Variants in ARSG observed in about 807,000 individuals in gnomAD.
ARSG encodes the protein arylsulfatase G.
Under a neutral mutation model 50.5 loss-of-function variants are expected in ARSG, and 37 were observed. The observed-to-expected ratio is 0.73, with a 90% CI of 0.56 to 0.96. ARSG has a LOEUF of 0.96. Ranked by LOEUF, ARSG falls within the 50% of genes least tolerant of loss-of-function variation. ARSG has a pLI of 0.00. For synonymous variants in ARSG, 225 were observed against 254.6 expected (o/e 0.88, Z 1.11); for missense variants, 629 against 675.3 (o/e 0.93, Z 0.76).
the ARSG span, among the ~76,000 whole-genome samples, chr17:68,441,528 G>A: frequency 6.6e-6 from 1 of 152,158 alleles, no homozygotes; most frequent in African/African-American, 2.4e-5. Context: ...CAGATAAGGC[G>A]ACTCCTGGCC....
intron 1 of ARSG, among the ~76,000 whole-genome samples, chr17:68,284,870 T>C (rs2075805979): frequency 6.6e-6 from 1 of 152,230 alleles, no homozygotes; most frequent in South Asian, 2.1e-4. Flanking sequence ...TGTGTGTTGA[T>C]ATGTCATAAA....
At chr17:68,429,996 G>T in the ARSG span, 2 of 1,614,102 alleles carry the variant, frequency 1.2e-6, no homozygotes, top group African/African-American at 1.3e-5. Flanking sequence ...TTGTACGTAC[G>T]TTGAGAGGGT....
intron 1 of ARSG, among the ~76,000 whole-genome samples, chr17:68,263,144 C>T (rs2362726): frequency 0.17 from 26,478 of 152,140 alleles, 3,003 homozygotes; most frequent in Middle Eastern, 0.29. Flanking sequence ...AATGGATAGT[C>T]ATTGAAGTAG....
chr17:68,426,199 A>C, downstream of ARSG: 2 of 1,510,532 alleles, frequency 1.3e-6, no homozygotes, highest in Non-Finnish European at 1.8e-6. Flanking sequence ...AAGAGACATG[A>C]AACAAGCACT....
downstream of ARSG, chr17:68,427,074 G>A (rs2083245579): frequency 4.3e-6 from 6 of 1,397,124 alleles, no homozygotes; most frequent in Non-Finnish European, 6.1e-6. Context: ...GGAGCGTGCA[G>A]GGAGAAGGGG....
intron 2 of ARSG, among the ~76,000 whole-genome samples, chr17:68,326,720 G>T (rs1475498178): frequency 6.6e-6 from 1 of 152,216 alleles, no homozygotes; most frequent in Non-Finnish European, 1.5e-5. Context: ...TTGTCTGGCT[G>T]GAGGGGAGAG....
At chr17:68,310,549 G>A (rs1341982827) in intron 2 of ARSG, among the ~76,000 whole-genome samples, 4 of 152,074 alleles carry the variant, frequency 2.6e-5, no homozygotes, top group African/African-American at 9.7e-5. Context: ...AAGCGTTAGA[G>A]CTTTCAGACT....
chr17:68,317,806 G>C (rs782706703), intron 2 of ARSG, among the ~76,000 whole-genome samples: 10 of 152,152 alleles, frequency 6.6e-5, no homozygotes, highest in Non-Finnish European at 1.3e-4. Flanking sequence ...ACTTAAAAAT[G>C]TTAAGCAATT....
At chr17:68,324,328 G>A (rs1297257658) in intron 2 of ARSG, among the ~76,000 whole-genome samples, 1 of 152,070 alleles carries the variant, frequency 6.6e-6, no homozygotes, top group African/African-American at 2.4e-5. Context: ...CTCTTTCTTG[G>A]GCTCACATGG....
intron 1 of ARSG, among the ~76,000 whole-genome samples, chr17:68,285,339 G>A (rs2075816375): frequency 6.6e-6 from 1 of 152,230 alleles, no homozygotes; most frequent in African/African-American, 2.4e-5. Context: ...GAGACGTGGA[G>A]TGCAGTGGCA....
At chr17:68,366,261 T>A in intron 6 of ARSG, among the ~76,000 whole-genome samples, 1 of 152,134 alleles carries the variant, frequency 6.6e-6, no homozygotes, top group Admixed American at 6.5e-5. Flanking sequence ...AAAATAAAAT[T>A]TATTTAATTG....
intron 6 of ARSG, 79 bp downstream of exon 6, chr17:68,356,883 A>G: frequency 6.4e-7 from 1 of 1,567,918 alleles, no homozygotes; most frequent in Non-Finnish European, 8.7e-7. Context: ...CCTTGGCCTC[A>G]GCACGCTTGA....
In ARSG at chr17:68,378,717, TG is replaced by T. The variant is rs1281954656; in HGVS notation, c.983-6346del. On this transcript the variant is annotated intron_variant, in intron 8 of 11. Coordinates refer to ENST00000621439, the MANE Select transcript of ARSG (RefSeq NM_001267727.2). This position sits in a 1 kb window ranked among gnomAD's most constrained non-coding sequence, Gnocchi z 4.4. ...ACACCTTGTTTTTCCCCTAACTGACTGCTCCTCTGTCTGGAAAATCTTTTCT... is the reference window on the plus strand; with the variant it reads ...ACACCTTGTTTTTCCCCTAACTGACTCTCCTCTGTCTGGAAAATCTTTTCT... Among the ~76,000 whole-genome samples the T allele has an allele frequency of 2.0e-5, 3 of 152,212 alleles. No homozygotes were observed. The highest frequency in any genetic ancestry group is 7.2e-5 in the African/African-American group (3 of 41,464).
chr17:68,372,289 A>G (rs72839380), intron 8 of ARSG, among the ~76,000 whole-genome samples: 4 of 138,044 alleles, frequency 2.9e-5, no homozygotes, highest in East Asian at 2.6e-4. Flanking sequence ...TCTATCTATC[A>G]ATTGATCGAT....
chr17:68,447,595 T>C, the ARSG span, among the ~76,000 whole-genome samples: 2 of 151,960 alleles, frequency 1.3e-5, no homozygotes, highest in Admixed American at 6.6e-5. Flanking sequence ...CTCGTTACAT[T>C]GCCCAAGCTG....
intron 1 of ARSG, among the ~76,000 whole-genome samples, chr17:68,306,457 T>G (rs2076613609): frequency 6.6e-6 from 1 of 152,188 alleles, no homozygotes; most frequent in African/African-American, 2.4e-5. Flanking sequence ...TGTGGGAGGT[T>G]GAGGCAAGAG....
intron 6 of ARSG, among the ~76,000 whole-genome samples, chr17:68,359,167 C>T (rs1951764108): frequency 2.0e-5 from 3 of 151,664 alleles, no homozygotes; most frequent in South Asian, 4.2e-4. Flanking sequence ...CATCTCAAAA[C>T]GACAACAACA....
chr17:68,386,721 C>T (rs1205002540), intron 9 of ARSG, among the ~76,000 whole-genome samples: 2 of 152,154 alleles, frequency 1.3e-5, no homozygotes, highest in Non-Finnish European at 2.9e-5. Context: ...CAAGTGTTCA[C>T]GGGCCAGGCT....
Position 68,347,147 on chromosome 17 carries a change from C to T in ARSG, c.429C>T (p.His143=), listed in dbSNP as rs554731575. 108 of 1,613,928 alleles carry T rather than the reference C, an allele frequency of 6.7e-5. No homozygotes were observed. Among genetic ancestry groups the T allele is most frequent in the Non-Finnish European group, 8.0e-5 (94 of 1,179,982 alleles). The change falls in exon 4 of 12, where the codon CAC becomes CAT. Residue 143 remains histidine (H), a synonymous_variant. Transcript: ENST00000621439. ...CAGGCAAATGGCATCTTGGACACCA[C>T]GGCTCTTATCACCCCAACTTCCGTG... ...GIIGKWHLGH[H]GSYHPNFRGF...
Sources: gnomAD v4.1 joint callset for allele counts (sites outside exome capture counted in the v4.1 genomes callset) on GRCh38, gnomAD v4.1.1 for gene constraint, Gnocchi (gnomAD v3.1) non-coding constraint, MANE v1.5 for transcripts, NCBI Gene and HGNC (gene_info 2026-07-23, HGNC 2026-07-21) for gene names.